JAKMIP1: variants seen among roughly 807,000 people sequenced by gnomAD.
JAKMIP1 encodes the protein janus kinase and microtubule-interacting protein 1.
JAKMIP1 carries 33 observed loss-of-function variants against 113.0 expected under a neutral mutation model. The observed-to-expected ratio is 0.29, with a 90% CI of 0.22 to 0.39. The LOEUF (loss-of-function observed/expected upper bound fraction) is 0.39, where lower values mean the gene tolerates loss of function less well. Ranked by LOEUF, JAKMIP1 falls within the 10% of genes least tolerant of loss-of-function variation. The pLI, the probability that JAKMIP1 is intolerant of heterozygous loss-of-function variation, is 1.00. For synonymous variants in JAKMIP1, 480 were observed against 459.9 expected (o/e 1.04, Z -0.56); for missense variants, 813 against 1,080.5 (o/e 0.75, Z 3.47).
Position 6,059,494 on chromosome 4 carries a change from C to CCCCCA in JAKMIP1, c.1644+925_1644+929dup, listed in dbSNP as rs1716960312. 6.6e-6 allele frequency among the ~76,000 whole-genome samples: 1 copy of CCCCCA among 152,138 alleles called. No homozygotes were observed. The highest frequency in any genetic ancestry group is 1.5e-5 in the Non-Finnish European group (1 of 68,030). ...GTAGACCTTGCCTGGCCTCCTCAGC[C>CCCCCA]CCCCATAGATGCCTCTCTGCAGGCA... is the stretch of plus-strand genomic sequence containing the variant. On this transcript the variant is annotated intron_variant, in intron 11 of 20. Transcript: ENST00000409021. The surrounding 1 kb of genome is among the most constrained non-coding windows in gnomAD (Gnocchi z 4.8).
chr4:6,101,946 G>C (rs976171694), intron 3 of JAKMIP1, among the ~76,000 whole-genome samples: 1 of 150,768 alleles, frequency 6.6e-6, no homozygotes, highest in Non-Finnish European at 1.5e-5. Context: ...TTTGGTAAGG[G>C]ATAGCACTGA....
rs1206905050 is a variant in JAKMIP1, at chr4:6,031,602, C to G, written c.2380-1821G>C. Among the ~76,000 whole-genome samples the G allele has an allele frequency of 1.3e-5, 2 of 152,094 alleles. No individual in the cohort carries two copies. The highest frequency in any genetic ancestry group is 2.9e-5 in the Non-Finnish European group (2 of 68,016). On this transcript the variant is annotated intron_variant, in intron 19 of 20. Transcript: ENST00000409021. The surrounding 1 kb of genome is among the most constrained non-coding windows in gnomAD (Gnocchi z 4.4). ...GGGTCGGGGACAGAGCTCAGAGGGT[C>G]TGGAATGGCCCATGTCCCGATGAGG...
At chr4:6,124,238 C>T (rs1277313345) in intron 1 of JAKMIP1, among the ~76,000 whole-genome samples, 1 of 152,208 alleles carries the variant, frequency 6.6e-6, no homozygotes, top group Non-Finnish European at 1.5e-5. Flanking sequence ...GAGAGGGCCA[C>T]CTGTGGCCAG....
At chr4:6,151,226 T>C (rs1455061273) in intron 1 of JAKMIP1, among the ~76,000 whole-genome samples, 2 of 152,156 alleles carry the variant, frequency 1.3e-5, no homozygotes, top group Non-Finnish European at 1.5e-5. Context: ...CCTCATTTAA[T>C]CCTCTCCACA....
At position 6,136,105 on chromosome 4, in the gene JAKMIP1, G is replaced by A. The variant is rs11930498; in HGVS notation, c.-147-23108C>T. Among the ~76,000 whole-genome samples the A allele has an allele frequency of 0.016, 2,471 of 152,208 alleles. 66 individuals are homozygous for A. Among genetic ancestry groups the A allele is most frequent in the African/African-American group, 0.053 (2,217 of 41,510 alleles). On this transcript the variant is annotated intron_variant, in intron 1 of 20. Coordinates refer to ENST00000409021, the MANE Select transcript of JAKMIP1 (RefSeq NM_001099433.2). This position sits in a 1 kb window ranked among gnomAD's most constrained non-coding sequence, Gnocchi z 5.9. ...TACTAAAGATACAAAAATTGGCCGGGCATGGTGGTGGGTTCCTGTATTCCC... is the reference window on the plus strand; with the variant it reads ...TACTAAAGATACAAAAATTGGCCGGACATGGTGGTGGGTTCCTGTATTCCC...
intron 1 of JAKMIP1, among the ~76,000 whole-genome samples, chr4:6,191,477 G>A (rs558402955): frequency 7.9e-5 from 12 of 152,348 alleles, no homozygotes; most frequent in African/African-American, 2.9e-4. Flanking sequence ...GTCCTCATGG[G>A]GACCCAGATC....
chr4:6,145,105 TAAG>T (rs1010728127), intron 1 of JAKMIP1, among the ~76,000 whole-genome samples: 15 of 152,186 alleles, frequency 9.9e-5, no homozygotes, highest in Admixed American at 8.5e-4. Context: ...GAAAATGAAA[TAAG>T]AAAACAACCG....
Position 6,179,145 on chromosome 4 carries a change from C to G in JAKMIP1, c.-148+21108G>C, listed in dbSNP as rs1262664994. The stretch of plus-strand genomic sequence containing the variant: ...TTTCATGAAATGGTCTTAGAAGGAC[C>G]CACAGGCACACCTAGGTCTCCCATG... On this transcript the variant is annotated intron_variant, in intron 1 of 20. Coordinates refer to ENST00000409021, the MANE Select transcript of JAKMIP1 (RefSeq NM_001099433.2). The surrounding 1 kb of genome is among the most constrained non-coding windows in gnomAD (Gnocchi z 4.5). Among the ~76,000 whole-genome samples, 1 of 152,140 alleles carries G rather than the reference C, an allele frequency of 6.6e-6. No homozygotes were observed. The highest frequency in any genetic ancestry group is 1.5e-5 in the Non-Finnish European group (1 of 68,030).
At chr4:6,132,892 A>T (rs1320517342) in intron 1 of JAKMIP1, among the ~76,000 whole-genome samples, 1 of 152,144 alleles carries the variant, frequency 6.6e-6, no homozygotes, top group East Asian at 1.9e-4. Context: ...CAAGACTCGC[A>T]TGCACAAAGC....
At chr4:6,114,627 A>T (rs1373519955) in intron 1 of JAKMIP1, among the ~76,000 whole-genome samples, 2 of 152,232 alleles carry the variant, frequency 1.3e-5, no homozygotes, top group Non-Finnish European at 2.9e-5. Context: ...TGAACAGGAG[A>T]GAGGGGTGTT....
intron 1 of JAKMIP1, among the ~76,000 whole-genome samples, chr4:6,175,753 A>T (rs779710355): frequency 5.9e-5 from 9 of 152,244 alleles, no homozygotes; most frequent in Non-Finnish European, 1.0e-4. Flanking sequence ...CGGCACCTGG[A>T]AAAGACAGGA....
intron 1 of JAKMIP1, among the ~76,000 whole-genome samples, chr4:6,115,260 A>C (rs1019472107): frequency 1.4e-4 from 22 of 152,284 alleles, no homozygotes; most frequent in African/African-American, 5.1e-4. Flanking sequence ...AATACAAAAA[A>C]TTAGCAGGGC....
rs2109004567 is a variant in JAKMIP1, at chr4:6,162,052, G to T, written c.-148+38201C>A. Reference sequence around the variant, plus strand: ...ATGGAGCCGAGCAGGAAGGAAAGGGGTGGATTGCACAGGCCAGCCATGAGC... The same window carrying T: ...ATGGAGCCGAGCAGGAAGGAAAGGGTTGGATTGCACAGGCCAGCCATGAGC... On this transcript the variant is annotated intron_variant, in intron 1 of 20. Coordinates refer to ENST00000409021, the MANE Select transcript of JAKMIP1 (RefSeq NM_001099433.2). This position sits in a 1 kb window ranked among gnomAD's most constrained non-coding sequence, Gnocchi z 5.6. Among the ~76,000 whole-genome samples the T allele has an allele frequency of 6.6e-6, 1 of 150,762 alleles. No individual in the cohort carries two copies. The highest frequency in any genetic ancestry group is 2.5e-5 in the African/African-American group (1 of 40,108).
At chr4:6,048,948 ATT>A in intron 15 of JAKMIP1, 26 bp from the exon 16 acceptor site, 3 of 1,593,846 alleles carry the variant, frequency 1.9e-6, no homozygotes, top group Non-Finnish European at 2.6e-6. Flanking sequence ...GGGCAAGGGC[ATT>A]TGACACTGGA....
intron 1 of JAKMIP1, among the ~76,000 whole-genome samples, chr4:6,121,600 G>T (rs2108909562): frequency 6.6e-6 from 1 of 152,324 alleles, no homozygotes; most frequent in Middle Eastern, 3.4e-3. Flanking sequence ...GCTGCCCCCG[G>T]ACCTAGCAGG....
At position 6,051,033 on chromosome 4, in the gene JAKMIP1, A is replaced by G. The variant is rs1350936624; in HGVS notation, c.1807-354T>C. On this transcript the variant is annotated intron_variant, in intron 13 of 20. Transcript: ENST00000409021. The surrounding 1 kb of genome is among the most constrained non-coding windows in gnomAD (Gnocchi z 5.0). ...GAATAGACAGCAAAAGCCACCAACTATGGTTTATTACTCTGTGCCAGGCAC... is the reference window on the plus strand; with the variant it reads ...GAATAGACAGCAAAAGCCACCAACTGTGGTTTATTACTCTGTGCCAGGCAC... Among the ~76,000 whole-genome samples, 2 of 152,176 alleles carry G rather than the reference A, an allele frequency of 1.3e-5. No homozygotes were observed. The highest frequency in any genetic ancestry group is 3.8e-4 in the East Asian group (2 of 5,198).
intron 1 of JAKMIP1, among the ~76,000 whole-genome samples, chr4:6,189,786 C>G (rs971715388): frequency 2.6e-5 from 4 of 152,078 alleles, no homozygotes; most frequent in Non-Finnish European, 4.4e-5. Flanking sequence ...TGAAGGAAGG[C>G]GCATGATGGA....
Position 6,140,071 on chromosome 4 carries a change from C to T in JAKMIP1, c.-147-27074G>A, listed in dbSNP as rs533086714. ...TCCATGGTACAGCGGCCCTAGGAAACGAATATATTTATTAGATGGATTGAG... is the reference window on the plus strand; with the variant it reads ...TCCATGGTACAGCGGCCCTAGGAAATGAATATATTTATTAGATGGATTGAG... On this transcript the variant is annotated intron_variant, in intron 1 of 20. Transcript: ENST00000409021. The surrounding 1 kb of genome is among the most constrained non-coding windows in gnomAD (Gnocchi z 9.4). 2.0e-4 allele frequency among the ~76,000 whole-genome samples: 31 copies of T among 152,080 alleles called. No individual in the cohort carries two copies. The highest frequency in any genetic ancestry group is 5.8e-4 in the East Asian group (3 of 5,168).
intron 17 of JAKMIP1, among the ~76,000 whole-genome samples, chr4:6,041,113 G>T (rs1238299529): frequency 6.6e-6 from 1 of 152,058 alleles, no homozygotes; most frequent in Admixed American, 6.6e-5. Flanking sequence ...TGCCTGAATT[G>T]CATCACCCAC....
Sources: allele counts gnomAD v4.1 joint callset (sites outside exome capture counted in the v4.1 genomes callset), GRCh38; gene constraint gnomAD v4.1.1; non-coding constraint Gnocchi (gnomAD v3.1); transcripts MANE v1.5; gene names NCBI Gene and HGNC (gene_info 2026-07-23, HGNC 2026-07-21).